RBFOX1: variants seen among roughly 807,000 people sequenced by gnomAD.
The protein encoded by RBFOX1 is RNA binding fox-1 homolog 1.
Under a neutral mutation model 57.7 loss-of-function variants are expected in RBFOX1, and 8 were observed. The ratio of observed to expected loss-of-function variants is 0.14; its 90% confidence interval spans 0.08 to 0.25. The LOEUF (loss-of-function observed/expected upper bound fraction) is 0.25. Among genes scored for constraint, RBFOX1 ranks in the 10% least tolerant of loss-of-function variants. RBFOX1 has a pLI of 1.00. For synonymous variants in RBFOX1, 326 were observed against 222.4 expected (o/e 1.47, Z -4.15); for missense variants, 611 against 548.5 (o/e 1.11, Z -1.14).
chr16:6,760,273 G>C (rs1235684525), intron 3 of RBFOX1, among the ~76,000 whole-genome samples: 2 of 152,126 alleles, frequency 1.3e-5, no homozygotes, highest in Non-Finnish European at 2.9e-5. Flanking sequence ...AAAGGCAATT[G>C]CTTTAAAGGA....
Position 7,712,561 on chromosome 16 carries a change from G to A in RBFOX1, c.*1816G>A, listed in dbSNP as rs559808600. ...ATAGTGATCTTGAAAAGAGAAAAGG[G>A]GGAGGGGGGAGCTACTTATCAGCCA... On this transcript the variant is annotated 3_prime_UTR_variant, in exon 16 of 16. Transcript: ENST00000550418. 6.6e-6 allele frequency: 1 copy of A among 152,566 alleles called. No individual in the cohort carries two copies. The highest frequency in any genetic ancestry group is 1.5e-5 in the Non-Finnish European group (1 of 68,038). 9.5% of individuals were successfully genotyped at this position (152,566 alleles called of 1,614,324 possible). A position where few individuals can be genotyped will look rare whatever the true frequency, so the allele number is the denominator to read the frequency against.
intron 4 of RBFOX1, among the ~76,000 whole-genome samples, chr16:7,169,512 C>G (rs1408373439): frequency 1.3e-5 from 2 of 152,178 alleles, no homozygotes; most frequent in South Asian, 2.1e-4. Flanking sequence ...TAGACATGGC[C>G]TAATGTCCCC....
intron 2 of RBFOX1, among the ~76,000 whole-genome samples, chr16:6,347,391 C>G (rs116909261): frequency 3.9e-4 from 60 of 152,272 alleles, no homozygotes; most frequent in Non-Finnish European, 7.8e-4. Flanking sequence ...CAGGCATGTT[C>G]CTTTCTTCTC....
intron 3 of RBFOX1, among the ~76,000 whole-genome samples, chr16:5,697,166 G>A (rs1596807112): frequency 6.6e-6 from 1 of 152,118 alleles, no homozygotes; most frequent in East Asian, 1.9e-4. Flanking sequence ...TTTGCATGTT[G>A]ATTATTATCC....
intron 4 of RBFOX1, among the ~76,000 whole-genome samples, chr16:7,115,178 C>G (rs1216665946): frequency 1.3e-5 from 2 of 152,096 alleles, no homozygotes; most frequent in East Asian, 3.9e-4. Context: ...TATAAAGAAA[C>G]CTGGTATTTT....
At chr16:6,623,656 C>G (rs949317339) in intron 2 of RBFOX1, among the ~76,000 whole-genome samples, 7 of 151,856 alleles carry the variant, frequency 4.6e-5, no homozygotes, top group Non-Finnish European at 8.8e-5. Flanking sequence ...CATGTGTTCT[C>G]ATCGTTCAGT....
chr16:5,248,213 G>A (rs2878020), intron 1 of RBFOX1, among the ~76,000 whole-genome samples: 9 of 152,318 alleles, frequency 5.9e-5, no homozygotes, highest in African/African-American at 2.2e-4. Flanking sequence ...CTGGCGTTAT[G>A]GAAATTAACA....
At chr16:7,519,858 G>A (rs1485782355) in intron 5 of RBFOX1, 1 of 434,708 alleles carries the variant, frequency 2.3e-6, no homozygotes, top group Admixed American at 6.4e-5. Flanking sequence ...CATTCATTTG[G>A]AGGCTAGTTT....
At chr16:5,909,304 G>A (rs1428262369) in intron 4 of RBFOX1, among the ~76,000 whole-genome samples, 1 of 152,006 alleles carries the variant, frequency 6.6e-6, no homozygotes, top group Admixed American at 6.6e-5. Flanking sequence ...GTGTTAGCCA[G>A]GATGGTCTCG....
At chr16:5,362,062 A>G (rs1290175147) in intron 1 of RBFOX1, among the ~76,000 whole-genome samples, 1 of 152,250 alleles carries the variant, frequency 6.6e-6, no homozygotes, top group African/African-American at 2.4e-5. Flanking sequence ...AATTGTAGTA[A>G]GAACATTTAA....
At chr16:5,646,608 G>C (rs572383180) in intron 3 of RBFOX1, among the ~76,000 whole-genome samples, 8 of 152,018 alleles carry the variant, frequency 5.3e-5, no homozygotes, top group Non-Finnish European at 7.4e-5. Flanking sequence ...GGCATGGCAG[G>C]GGTCTGGGCA....
At chr16:6,873,441 G>C (rs2061300332) in intron 3 of RBFOX1, among the ~76,000 whole-genome samples, 1 of 152,078 alleles carries the variant, frequency 6.6e-6, no homozygotes, top group South Asian at 2.1e-4. Context: ...ATTTCAAATA[G>C]GCTTTCAATT....
chr16:5,693,642 C>T (rs925943085), intron 3 of RBFOX1, among the ~76,000 whole-genome samples: 11 of 152,070 alleles, frequency 7.2e-5, no homozygotes, highest in African/African-American at 2.2e-4. Flanking sequence ...TTGTGAAAGA[C>T]GCAGCGAGAA....
chr16:7,181,919 G>GA (rs535969372), intron 4 of RBFOX1, among the ~76,000 whole-genome samples: 37 of 151,784 alleles, frequency 2.4e-4, no homozygotes, highest in Non-Finnish European at 3.7e-4. Context: ...AATTTCTACG[G>GA]AAAAAAAACT....
chr16:7,407,065 A>T (rs1324905084), intron 4 of RBFOX1, among the ~76,000 whole-genome samples: 1 of 152,110 alleles, frequency 6.6e-6, no homozygotes. Context: ...CCTGATCTTA[A>T]TGTTTTTTAT....
At chr16:7,090,532 A>G (rs12917785) in intron 4 of RBFOX1, among the ~76,000 whole-genome samples, 50,929 of 151,766 alleles carry the variant, frequency 0.34, 8,882 homozygotes, top group South Asian at 0.44. Context: ...ATAGTTACAG[A>G]TGCTTAATAT....
intron 2 of RBFOX1, among the ~76,000 whole-genome samples, chr16:6,529,493 A>C (rs1034314371): frequency 6.6e-6 from 1 of 152,054 alleles, no homozygotes; most frequent in African/African-American, 2.4e-5. Context: ...TAGCAGGCAG[A>C]GGTTGCAGTA....
At chr16:5,389,318 A>G (rs146243806) in intron 1 of RBFOX1, among the ~76,000 whole-genome samples, 1,888 of 152,312 alleles carry the variant, frequency 0.012, 36 homozygotes, top group African/African-American at 0.043. Context: ...TACCTGCATA[A>G]CAGGCTTTTC....
chr16:6,250,185 G>C (rs1323947079), intron 1 of RBFOX1, among the ~76,000 whole-genome samples: 3 of 152,136 alleles, frequency 2.0e-5, no homozygotes, highest in Admixed American at 6.6e-5. Flanking sequence ...CTTTCACCAG[G>C]CTATAAGAGC....
Sources: gnomAD v4.1 joint callset for allele counts (sites outside exome capture counted in the v4.1 genomes callset) on GRCh38, gnomAD v4.1.1 for gene constraint, MANE v1.5 for transcripts, NCBI Gene and HGNC (gene_info 2026-07-23, HGNC 2026-07-21) for gene names.